The following DMXL1 variants were observed in gnomAD, a reference collection of about 807,000 sequenced individuals.
DMXL1 encodes Dmx like 1.
A neutral mutation model predicts 319.2 loss-of-function variants in DMXL1; 99 were observed. The ratio of observed to expected loss-of-function variants is 0.31; its 90% CI spans 0.26 to 0.37. The LOEUF is 0.37. Ranked by LOEUF, DMXL1 falls within the 10% of genes least tolerant of loss-of-function variation. The pLI, the probability that DMXL1 is intolerant of heterozygous loss-of-function variation, is 1.00. For missense variants in DMXL1, 3,745 were observed against 3,595.6 expected, an observed-to-expected ratio of 1.04 and a Z score of -1.06; for synonymous variants, 1,385 against 1,235.2, an observed-to-expected ratio of 1.12 and a Z score of -2.54.
intron 13 of DMXL1, among the ~76,000 whole-genome samples, chr5:119,137,899 G>A (rs1233876746): frequency 6.6e-6 from 1 of 152,190 alleles, no homozygotes; most frequent in Admixed American, 6.5e-5. Flanking sequence ...AGCATGTGAG[G>A]TGGAAAATAG....
rs1187639708 is a variant in DMXL1, at chr5:119,134,288, A to G, written c.2275A>G (p.Ser759Gly). 3 of 1,613,498 alleles carry G rather than the reference A, an allele frequency of 1.9e-6. No individual in the cohort carries two copies. The highest frequency in any genetic ancestry group is 1.7e-6 in the Non-Finnish European group (2 of 1,179,850). ...TCTAGGTGCATACTGCAACTCTCCTAGTGCATGCTTTGTAGCCAGTGATGG... is the reference window on the plus strand; with the variant it reads ...TCTAGGTGCATACTGCAACTCTCCTGGTGCATGCTTTGTAGCCAGTGATGG... ...YCLGAYCNSPSACFVASDGQY... is the reference protein window; with the variant it reads ...YCLGAYCNSPGACFVASDGQY... Residue 759 changes from serine to glycine, a missense_variant, in exon 13 of 44, where the codon AGT becomes GGT. Ser to Gly is a moderately conservative substitution (Grantham distance 56, BLOSUM62 0). Transcript: ENST00000539542.
intron 26 of DMXL1, among the ~76,000 whole-genome samples, chr5:119,176,900 G>C (rs1775905494): frequency 6.6e-6 from 1 of 152,026 alleles, no homozygotes; most frequent in South Asian, 2.1e-4. Flanking sequence ...CATCTTTTAA[G>C]AGTAGTATGA....
At chr5:119,077,587 G>A (rs1431589131) in intron 1 of DMXL1, among the ~76,000 whole-genome samples, 1 of 135,704 alleles carries the variant, frequency 7.4e-6, no homozygotes, top group South Asian at 2.5e-4. Context: ...GGCCTGAAGC[G>A]ATCCTCCCAC....
chr5:119,147,325 C>T lies in DMXL1; in HGVS notation c.2766C>T (p.Ile922=), dbSNP rs750663489. The T allele has an allele frequency of 3.7e-6, 6 of 1,613,326 alleles. No homozygotes were observed. The change falls in exon 17 of 44, where the codon ATC becomes ATT. Residue 922 remains isoleucine (I), a synonymous_variant. Transcript: ENST00000539542. ...ATTATTCTTCTTCTCCAGAGAAGAT[C>T]CTATCTCCTTTTTCACAAAAGTATC... The part of the protein sequence containing the change: ...EEHYSSSPEK[I]LSPFSQKYQA...
chr5:119,090,483 A>G (rs939920186), intron 1 of DMXL1, among the ~76,000 whole-genome samples: 1 of 149,466 alleles, frequency 6.7e-6, no homozygotes, highest in Non-Finnish European at 1.5e-5. Flanking sequence ...GCCAATTCTT[A>G]GATTTCATTT....
chr5:119,176,235 G>A (rs1238133886), intron 26 of DMXL1, among the ~76,000 whole-genome samples: 1 of 151,994 alleles, frequency 6.6e-6, no homozygotes, highest in East Asian at 1.9e-4. Context: ...ATTATTTTGA[G>A]TATGGAGTAC....
chr5:119,202,011 A>G (rs1780794460), intron 32 of DMXL1, among the ~76,000 whole-genome samples: 1 of 152,010 alleles, frequency 6.6e-6, no homozygotes, highest in Non-Finnish European at 1.5e-5. Flanking sequence ...AATTTTTTCA[A>G]AAGACCAACT....
Position 119,114,492 on chromosome 5 carries a change from A to G in DMXL1, c.515A>G (p.His172Arg). The change falls in exon 6 of 44, where the codon CAT becomes CGT. Residue 172 changes from histidine (H) to arginine (R), a missense_variant. Around this residue, in one of 4 missense-constraint regions of DMXL1, gnomAD observed 2,096 missense variants for 1,985.4 expected, o/e 1.06. Transcript: ENST00000539542. Reference protein sequence around the residue: ...IWHCKTASQVHLMKFSPDGEF... With the variant: ...IWHCKTASQVRLMKFSPDGEF... ...ATTTACAGAACTGCTTCCCAAGTTC[A>G]TTTAATGAAATTTTCACCAGATGGA... The G allele has an allele frequency of 6.2e-7, 1 of 1,608,984 alleles. No individual in the cohort carries two copies. Among genetic ancestry groups the G allele is most frequent in the Middle Eastern group, 1.9e-4 (1 of 5,256 alleles).
At chr5:119,173,672 A>G (rs113567916) in intron 25 of DMXL1, among the ~76,000 whole-genome samples, 3,368 of 110,140 alleles carry the variant, frequency 0.031, 119 homozygotes, top group African/African-American at 0.092. Flanking sequence ...AGTAGGATGT[A>G]TGTGTGTGTG....
intron 4 of DMXL1, among the ~76,000 whole-genome samples, chr5:119,107,674 T>C (rs1025601240): frequency 2.6e-5 from 4 of 152,234 alleles, no homozygotes; most frequent in African/African-American, 9.6e-5. Flanking sequence ...TTTTATGGGA[T>C]ATCTTAATGT....
intron 34 of DMXL1, among the ~76,000 whole-genome samples, chr5:119,208,147 A>C (rs978461166): frequency 4.0e-5 from 6 of 151,854 alleles, no homozygotes; most frequent in Admixed American, 1.3e-4. Context: ...ACTTTTAATC[A>C]GTTAACAATT....
intron 1 of DMXL1, among the ~76,000 whole-genome samples, chr5:119,071,898 G>T (rs1749672178): frequency 6.6e-6 from 1 of 152,162 alleles, no homozygotes. Context: ...TAAAGTTTTT[G>T]GTCTGTCTGC....
In DMXL1 at chr5:119,134,019, A is replaced by T; in HGVS notation, c.2095A>T (p.Ser699Cys). ...TGTTGACGTGGCATTTCAGGATCCC[A>T]GTGCAGTTTACAGTGAGCTTATTCT... ...STVDVAFQDPSAVYSELILWR... is the reference protein window; with the variant it reads ...STVDVAFQDPCAVYSELILWR... The change falls in exon 12 of 44, where the codon AGT becomes TGT. Residue 699 changes from serine to cysteine, a missense_variant. Ser to Cys is a moderately radical substitution (Grantham distance 112). Transcript: ENST00000539542. The T allele has an allele frequency of 6.2e-7, 1 of 1,614,200 alleles. No individual in the cohort carries two copies. The highest frequency in any genetic ancestry group is 1.1e-5 in the South Asian group (1 of 91,078).
chr5:119,201,113 G>A (rs1004542659), intron 32 of DMXL1, among the ~76,000 whole-genome samples: 2 of 152,118 alleles, frequency 1.3e-5, no homozygotes, highest in South Asian at 2.1e-4. Flanking sequence ...GGTTGAATAG[G>A]AGTGGTGAGA....
In DMXL1 at chr5:119,089,292, ATTTTTTTT is replaced by A. The variant is rs1157921856; in HGVS notation, c.88-8663_88-8656del. 5.3e-4 allele frequency among the ~76,000 whole-genome samples: 21 copies of A among 39,878 alleles called. 1 individual carries two copies. The highest frequency in any genetic ancestry group is 6.7e-4 in the African/African-American group (8 of 11,942). 26.2% of individuals were successfully genotyped at this position (39,878 alleles called of 152,430 possible). A position where few individuals can be genotyped will look rare whatever the true frequency, so the allele number is the denominator to read the frequency against. ...TATATATATACATATATATATATATATTTTTTTTTTTTTTTTTTTTTTTTTTTTTTTGA... is the reference window on the plus strand; with the variant it reads ...TATATATATACATATATATATATATATTTTTTTTTTTTTTTTTTTTTTTGA... On this transcript the variant is annotated intron_variant, in intron 1 of 43. Coordinates refer to ENST00000539542, the MANE Select transcript of DMXL1 (RefSeq NM_001290321.3).
intron 35 of DMXL1, 60 bp from the exon 36 acceptor site, chr5:119,220,412 G>T (rs964698812): frequency 6.6e-7 from 1 of 1,525,466 alleles, no homozygotes. Context: ...TTCAAAAGCA[G>T]CTCATATACT....
intron 3 of DMXL1, 28 bp downstream of exon 3, chr5:119,102,034 G>C (rs1319549244): frequency 2.8e-6 from 4 of 1,417,634 alleles, no homozygotes. Flanking sequence ...TCTTCTTTTA[G>C]GAATTGAAAT....
At chr5:119,147,548 C>T in intron 17 of DMXL1, 78 bp downstream of exon 17, 1 of 945,900 alleles carries the variant, frequency 1.1e-6, no homozygotes, top group South Asian at 1.5e-5. Flanking sequence ...GGTGCTGCAA[C>T]TATCTCTTAA....
At chr5:119,121,439 T>A (rs1255532751) in intron 9 of DMXL1, among the ~76,000 whole-genome samples, 1 of 152,078 alleles carries the variant, frequency 6.6e-6, no homozygotes, top group African/African-American at 2.4e-5. Context: ...CCTTCCGCTG[T>A]GTTTGTGTCC....
Sources: gnomAD v4.1 joint callset for allele counts (sites outside exome capture counted in the v4.1 genomes callset) on GRCh38, gnomAD v4.1.1 for gene constraint, gnomAD v4.1.1 regional missense constraint, MANE v1.5 for transcripts, NCBI Gene and HGNC (gene_info 2026-07-23, HGNC 2026-07-21) for gene names.